Variants in PDZRN4 observed in about 807,000 individuals in gnomAD.
The protein encoded by PDZRN4 is PDZ domain containing ring finger 4, also known as PDZ domain-containing RING finger protein 4.
Under a neutral mutation model 99.0 loss-of-function variants are expected in PDZRN4, and 70 were observed. The observed-to-expected ratio is 0.71, with a 90% confidence interval of 0.58 to 0.86. The LOEUF (loss-of-function observed/expected upper bound fraction) is 0.86. Ranked by LOEUF, PDZRN4 falls within the 40% of genes least tolerant of loss-of-function variation. PDZRN4 has a pLI of 0.00. For missense variants in PDZRN4, 1,474 were observed against 1,331.2 expected (o/e 1.11, Z -1.67); for synonymous variants, 551 against 501.6 (o/e 1.10, Z -1.32).
intron 3 of PDZRN4, among the ~76,000 whole-genome samples, chr12:41,219,628 C>A (rs542270382): frequency 3.9e-5 from 6 of 152,092 alleles, no homozygotes; most frequent in Admixed American, 3.3e-4. Context: ...TCCCGAGAAA[C>A]ATGAGCTTGC....
At chr12:41,477,296 A>G (rs1937612540) in intron 3 of PDZRN4, among the ~76,000 whole-genome samples, 1 of 152,182 alleles carries the variant, frequency 6.6e-6, no homozygotes, top group Admixed American at 6.5e-5. Context: ...TTGACCATAA[A>G]TTTGGCTGGG....
At chr12:41,571,376 TCACACA>T (rs147910134) in intron 9 of PDZRN4, among the ~76,000 whole-genome samples, 2,582 of 65,322 alleles carry the variant, frequency 0.04, 67 homozygotes, top group African/African-American at 0.084. Flanking sequence ...TCTCTCTCTC[TCACACA>T]CACACACACA....
intron 3 of PDZRN4, among the ~76,000 whole-genome samples, chr12:41,445,715 G>T (rs1207259235): frequency 3.3e-5 from 5 of 151,948 alleles, no homozygotes; most frequent in South Asian, 4.1e-4. Flanking sequence ...AACAGGATCT[G>T]CCTCAATCAT....
In PDZRN4 at chr12:41,573,083, T is replaced by C; in HGVS notation, c.2304T>C (p.Asn768=). The C allele has an allele frequency of 6.2e-7, 1 of 1,613,974 alleles. No homozygotes were observed. The highest frequency in any genetic ancestry group is 2.2e-5 in the East Asian group (1 of 44,864). ...TTCCAAGGGTGATCAACCTCACCAA[T>C]AAGAAAAACCTGAGAAGCACAATGG... ...SSLPRVINLT[N]KKNLRSTMAA... Residue 768 remains asparagine, a synonymous_variant, in exon 10 of 10, where the codon AAT becomes AAC. Transcript: ENST00000402685.
intron 3 of PDZRN4, among the ~76,000 whole-genome samples, chr12:41,295,000 T>C (rs1951481721): frequency 6.7e-6 from 1 of 149,530 alleles, no homozygotes; most frequent in East Asian, 1.9e-4. Context: ...GTCATAGACA[T>C]GTAAAAAAAA....
chr12:41,287,226 G>T (rs1180540347), intron 3 of PDZRN4, among the ~76,000 whole-genome samples: 1 of 152,166 alleles, frequency 6.6e-6, no homozygotes. Context: ...TCTAATCATG[G>T]TTCTGCTACA....
At chr12:41,414,091 A>C (rs1217053792) in intron 3 of PDZRN4, among the ~76,000 whole-genome samples, 1 of 152,128 alleles carries the variant, frequency 6.6e-6, no homozygotes, top group Non-Finnish European at 1.5e-5. Context: ...AGGGTATGAA[A>C]TTCTTGGTTA....
intron 3 of PDZRN4, among the ~76,000 whole-genome samples, chr12:41,447,319 G>A (rs955759624): frequency 1.3e-5 from 2 of 152,050 alleles, no homozygotes. Flanking sequence ...TCAGTGTTAA[G>A]ACAACATGGA....
intron 3 of PDZRN4, among the ~76,000 whole-genome samples, chr12:41,336,954 G>C (rs1366633019): frequency 6.6e-6 from 1 of 152,004 alleles, no homozygotes; most frequent in Non-Finnish European, 1.5e-5. Flanking sequence ...GGAGCAATTT[G>C]GGGCAGTTCA....
intron 3 of PDZRN4, among the ~76,000 whole-genome samples, chr12:41,253,126 T>C (rs1363216772): frequency 6.6e-6 from 1 of 152,198 alleles, no homozygotes; most frequent in Non-Finnish European, 1.5e-5. Context: ...ATTATCATTT[T>C]ACTTTGTTGA....
At chr12:41,464,576 T>A (rs2120545280) in intron 3 of PDZRN4, among the ~76,000 whole-genome samples, 1 of 152,344 alleles carries the variant, frequency 6.6e-6, no homozygotes, top group East Asian at 1.9e-4. Context: ...TTTAGTTTTC[T>A]AAATTGGAGA....
chr12:41,195,613 A>C (rs764179564), intron 3 of PDZRN4, among the ~76,000 whole-genome samples: 36 of 152,300 alleles, frequency 2.4e-4, no homozygotes, highest in Middle Eastern at 3.4e-3. Flanking sequence ...CCAAAAAAAA[A>C]ACTTTGATTT....
intron 3 of PDZRN4, among the ~76,000 whole-genome samples, chr12:41,267,038 C>T (rs1157610819): frequency 1.3e-5 from 2 of 152,176 alleles, no homozygotes; most frequent in Admixed American, 6.5e-5. Context: ...GCTCATGAAA[C>T]TCTGCTCATG....
At chr12:41,456,670 C>G (rs1952819545) in intron 3 of PDZRN4, among the ~76,000 whole-genome samples, 1 of 152,158 alleles carries the variant, frequency 6.6e-6, no homozygotes. Context: ...TTATAAATAT[C>G]ATAACTGGTG....
rs112238108 is a variant in PDZRN4, at chr12:41,432,235, C to G, written c.844-74221C>G. On this transcript the variant is annotated intron_variant, in intron 3 of 9. Transcript: ENST00000402685. ...CAAAGCACATTTGAATCATACAGTA[C>G]TCATTTATATACCTGTCACCGATGT... Among the ~76,000 whole-genome samples, 1,021 of 152,312 alleles carry G rather than the reference C, an allele frequency of 6.7e-3. 13 individuals carry two copies. Among genetic ancestry groups the G allele is most frequent in the African/African-American group, 0.023 (943 of 41,560 alleles).
At chr12:41,244,477 A>G (rs1951120301) in intron 3 of PDZRN4, among the ~76,000 whole-genome samples, 3 of 151,956 alleles carry the variant, frequency 2.0e-5, no homozygotes, top group Admixed American at 2.0e-4. Context: ...TTCCTTGGCC[A>G]TTGTTCTACA....
At chr12:41,423,308 C>T (rs1952507231) in intron 3 of PDZRN4, among the ~76,000 whole-genome samples, 1 of 152,002 alleles carries the variant, frequency 6.6e-6, no homozygotes, top group African/African-American at 2.4e-5. Context: ...CCCCCATCCC[C>T]TGACAGGCCC....
intron 3 of PDZRN4, among the ~76,000 whole-genome samples, chr12:41,216,498 T>C (rs996315080): frequency 6.6e-6 from 1 of 152,080 alleles, no homozygotes; most frequent in African/African-American, 2.4e-5. Flanking sequence ...AAAACAATTT[T>C]AGCTGTAAAA....
At chr12:41,439,814 C>T (rs1952663194) in intron 3 of PDZRN4, among the ~76,000 whole-genome samples, 1 of 152,118 alleles carries the variant, frequency 6.6e-6, no homozygotes, top group Non-Finnish European at 1.5e-5. Context: ...ATTTAACTGG[C>T]TTTTATTAGA....
Sources: allele counts gnomAD v4.1 joint callset (sites outside exome capture counted in the v4.1 genomes callset), GRCh38; gene constraint gnomAD v4.1.1; transcripts MANE v1.5; gene names NCBI Gene and HGNC (gene_info 2026-07-23, HGNC 2026-07-21).